The following SLIT3 variants were observed in gnomAD, a reference collection of about 807,000 sequenced individuals.
SLIT3 encodes slit homolog 3 protein.
SLIT3 carries 68 observed loss-of-function variants against 184.0 expected under a neutral mutation model. The observed-to-expected ratio is 0.37, with a 90% CI of 0.30 to 0.45. The LOEUF is 0.45. Ranked by LOEUF, SLIT3 falls within the 20% of genes least tolerant of loss-of-function variation. The pLI, the probability that SLIT3 is intolerant of heterozygous loss-of-function variation, is 1.00. For missense variants in SLIT3, 1,707 were observed against 2,026.0 expected (o/e 0.84, Z 3.02); for synonymous variants, 831 against 828.6 (o/e 1.00, Z -0.05).
rs558427220 is a variant in SLIT3, at chr5:168,752,945, G to C, written c.1973+10C>G. 8.1e-6 allele frequency: 13 copies of C among 1,613,942 alleles called. No individual in the cohort carries two copies. The highest frequency in any genetic ancestry group is 1.7e-4 in the Middle Eastern group (1 of 6,060). On this transcript the variant is annotated intron_variant, in intron 18 of 35. Coordinates refer to ENST00000519560, the MANE Select transcript of SLIT3 (RefSeq NM_003062.4). The stretch of plus-strand genomic sequence containing the variant: ...CAGAGTCCGTGGGCAGTGGACCCAG[G>C]AGAACTTACATGGTGGACAGGGAGA...
rs538634517 is a variant in SLIT3 at position 168,772,570 on chromosome 5, T to TTGTG, written c.1459+207_1459+210dup. Reference sequence around the variant, plus strand: ...CCGTCTCCTCCTCCCCATGCTTTTATTGTGTGTGTGTGTGTGTGTGTGTGT... The same window carrying TTGTG: ...CCGTCTCCTCCTCCCCATGCTTTTATTGTGTGTGTGTGTGTGTGTGTGTGTGTGT... On this transcript the variant is annotated intron_variant, in intron 14 of 35. Coordinates refer to ENST00000519560, the MANE Select transcript of SLIT3 (RefSeq NM_003062.4). 641 of 497,214 alleles carry TTGTG rather than the reference T, an allele frequency of 1.3e-3. 2 individuals carry two copies. Among genetic ancestry groups the TTGTG allele is most frequent in the East Asian group, 4.6e-3 (133 of 28,842 alleles). The allele number at this position is 497,214 out of a possible 1,614,324, so 30.8% of individuals were successfully genotyped here.
At chr5:168,884,358 C>G (rs1018534794) in intron 4 of SLIT3, among the ~76,000 whole-genome samples, 1 of 149,438 alleles carries the variant, frequency 6.7e-6, no homozygotes, top group Non-Finnish European at 1.5e-5. Flanking sequence ...GGTGCAGAGC[C>G]GGGGGCTAGG....
intron 3 of SLIT3, among the ~76,000 whole-genome samples, chr5:169,193,851 A>T (rs1293750718): frequency 6.6e-6 from 1 of 152,026 alleles, no homozygotes; most frequent in Non-Finnish European, 1.5e-5. Context: ...CTTCCCATGG[A>T]CTCCAGACAA....
chr5:168,754,964 C>A (rs1369754665), intron 16 of SLIT3, among the ~76,000 whole-genome samples: 1 of 152,182 alleles, frequency 6.6e-6, no homozygotes, highest in Non-Finnish European at 1.5e-5. Flanking sequence ...GGGACTAGGG[C>A]ATTTGTGGAA....
chr5:168,804,093 G>A (rs950848758), intron 9 of SLIT3, among the ~76,000 whole-genome samples: 10 of 151,866 alleles, frequency 6.6e-5, no homozygotes, highest in African/African-American at 2.4e-4. Context: ...GATCACCTGA[G>A]GTCAGGAGTT....
chr5:168,682,646 T>C (rs1228791365), intron 32 of SLIT3, among the ~76,000 whole-genome samples: 1 of 152,222 alleles, frequency 6.6e-6, no homozygotes, highest in Non-Finnish European at 1.5e-5. Context: ...GGGGGATCTT[T>C]GCTTCAACAC....
chr5:168,862,859 G>A (rs6555835), intron 5 of SLIT3, among the ~76,000 whole-genome samples: 17,490 of 152,124 alleles, frequency 0.11, 2,073 homozygotes, highest in African/African-American at 0.31. Flanking sequence ...ATTTTTAGTA[G>A]AGACGGGATT....
chr5:169,013,696 G>C (rs566938935), intron 4 of SLIT3, among the ~76,000 whole-genome samples: 7 of 152,276 alleles, frequency 4.6e-5, no homozygotes, highest in African/African-American at 1.7e-4. Context: ...GGCAGCCGGG[G>C]CCCCATGCAG....
At chr5:169,249,303 G>C (rs1238589007) in intron 2 of SLIT3, among the ~76,000 whole-genome samples, 1 of 151,894 alleles carries the variant, frequency 6.6e-6, no homozygotes, top group Non-Finnish European at 1.5e-5. Flanking sequence ...ACTGGGGGAT[G>C]GGGGGTAGGG....
At chr5:168,860,721 G>C (rs1466753962) in intron 5 of SLIT3, among the ~76,000 whole-genome samples, 1 of 152,102 alleles carries the variant, frequency 6.6e-6, no homozygotes, top group African/African-American at 2.4e-5. Context: ...TCAACCCAAG[G>C]CTGGGTACAG....
intron 4 of SLIT3, among the ~76,000 whole-genome samples, chr5:168,992,702 G>C (rs999418547): frequency 4.7e-4 from 71 of 152,328 alleles, no homozygotes; most frequent in African/African-American, 1.7e-3. Context: ...CCCAGTCCCT[G>C]ATGTGTTCTG....
chr5:169,239,722 G>A (rs181533619), intron 3 of SLIT3, among the ~76,000 whole-genome samples: 46 of 151,862 alleles, frequency 3.0e-4, no homozygotes, highest in African/African-American at 1.1e-3. Context: ...AATTAGTTTG[G>A]CTTTTTAGAA....
chr5:168,856,063 C>A (rs759711026), intron 5 of SLIT3, among the ~76,000 whole-genome samples: 4 of 152,050 alleles, frequency 2.6e-5, no homozygotes, highest in South Asian at 4.2e-4. Context: ...TAGCCAAGAT[C>A]GTGCCACTGC....
rs144632355 is a variant in SLIT3 at position 169,279,064 on chromosome 5, A to T, written c.197+21449T>A. On this transcript the variant is annotated intron_variant, in intron 1 of 35. Transcript: ENST00000519560. ...ATGTTGGCAGCACTGTAATTCTTAC[A>T]TGTAGGGAAGACGGCAGCATTCAGC... 2.3e-3 allele frequency among the ~76,000 whole-genome samples: 353 copies of T among 152,320 alleles called. 1 individual carries two copies. Among genetic ancestry groups the T allele is most frequent in the African/African-American group, 8.0e-3 (334 of 41,570 alleles).
chr5:169,269,719 G>A (rs1360445393), intron 1 of SLIT3, among the ~76,000 whole-genome samples: 1 of 152,254 alleles, frequency 6.6e-6, no homozygotes, highest in Non-Finnish European at 1.5e-5. Flanking sequence ...ATGCCAAGGG[G>A]CAGGAATTAG....
intron 14 of SLIT3, among the ~76,000 whole-genome samples, chr5:168,768,823 G>A (rs994165355): frequency 1.3e-5 from 2 of 152,086 alleles, no homozygotes; most frequent in African/African-American, 4.8e-5. Flanking sequence ...ATCCTTTGAG[G>A]TCAGCAGGAA....
intron 25 of SLIT3, chr5:168,710,002 G>A (rs187630626): frequency 6.6e-6 from 1 of 152,098 alleles, no homozygotes; most frequent in Non-Finnish European, 1.5e-5. Context: ...AATGTACTTT[G>A]ATTCAGTAAT....
chr5:169,068,815 T>C (rs1758442851), intron 4 of SLIT3, among the ~76,000 whole-genome samples: 1 of 148,970 alleles, frequency 6.7e-6, no homozygotes, highest in African/African-American at 2.4e-5. Flanking sequence ...GGAAAAACCC[T>C]CTTAAATATC....
chr5:168,883,550 C>T (rs753990634), intron 4 of SLIT3, among the ~76,000 whole-genome samples: 7 of 152,340 alleles, frequency 4.6e-5, no homozygotes, highest in Middle Eastern at 3.4e-3. Context: ...CGGAGCAGCT[C>T]GCCTCCAGGG....
Sources: gnomAD v4.1 joint callset for allele counts (sites outside exome capture counted in the v4.1 genomes callset) on GRCh38, gnomAD v4.1.1 for gene constraint, MANE v1.5 for transcripts, NCBI Gene and HGNC (gene_info 2026-07-23, HGNC 2026-07-21) for gene names.